DNAH14: variants seen among roughly 807,000 people sequenced by gnomAD.
DNAH14 encodes the protein dynein axonemal heavy chain 14.
Under a neutral mutation model 520.9 loss-of-function variants are expected in DNAH14, and 478 were observed. The observed-to-expected ratio is 0.92, with a 90% CI of 0.85 to 0.99. The LOEUF (loss-of-function observed/expected upper bound fraction) is 0.99. Among genes scored for constraint, DNAH14 ranks in the 50% least tolerant of loss-of-function variants. DNAH14 has a pLI of 0.00. For missense variants in DNAH14, 4,831 were observed against 5,234.5 expected, an observed-to-expected ratio of 0.92 and a Z score of 2.38; for synonymous variants, 1,581 against 1,757.2, an observed-to-expected ratio of 0.90 and a Z score of 2.51.
At chr1:225,330,064 T>C (rs562742457) in intron 64 of DNAH14, among the ~76,000 whole-genome samples, 1 of 152,142 alleles carries the variant, frequency 6.6e-6, no homozygotes, top group Non-Finnish European at 1.5e-5. Context: ...CTCAATATCA[T>C]TGATCATCAG....
chr1:225,187,597 A>C (rs1324575815), intron 37 of DNAH14, among the ~76,000 whole-genome samples: 2 of 151,914 alleles, frequency 1.3e-5, no homozygotes, highest in East Asian at 3.9e-4. Flanking sequence ...CATTATTTTA[A>C]ATTGCCATTA....
rs1303602599 is a variant in DNAH14 at position 225,042,904 on chromosome 1, T to C, written c.1558T>C (p.Cys520Arg). ...TYAPIFEVNL[C>R]LRIPAESDSS... ...TGCACCAATATTTGAAGTAAATCTA[T>C]GCTTGAGAATTCCTGCTGAGAGTGA... The change falls in exon 13 of 86, where the codon TGC (cysteine) becomes CGC (arginine). Residue 520 changes from cysteine to arginine, a missense_variant. By Grantham distance (180) the Cys-to-Arg change is radical. Transcript: ENST00000682510. The C allele has an allele frequency of 1.3e-6, 2 of 1,551,692 alleles. No homozygotes were observed. The highest frequency in any genetic ancestry group is 1.2e-5 in the South Asian group (1 of 84,062).
intron 49 of DNAH14, among the ~76,000 whole-genome samples, chr1:225,267,445 C>A (rs1442695100): frequency 1.3e-5 from 2 of 152,000 alleles, no homozygotes; most frequent in African/African-American, 4.8e-5. Context: ...AGGCGCCCAC[C>A]ACCACGCCCA....
chr1:225,274,197 ATTTTTT>A (rs869247051), intron 52 of DNAH14, among the ~76,000 whole-genome samples: 7 of 92,886 alleles, frequency 7.5e-5, no homozygotes, highest in South Asian at 3.8e-4. Context: ...AGCATCTGTT[ATTTTTT>A]TTTTTTTTTT....
rs1365616325 is a variant in DNAH14, at chr1:225,119,253, G to A, written c.4125G>A (p.Trp1375Ter). ...KIRVRSAVEQ[W>*]LVNVEKSMFD... ...GTGTAAGAAGTGCTGTAGAACAGTG[G>A]CTGGTAAATGTAGAAAAAAGCATGT... Residue 1375 changes from tryptophan (W) to a stop codon, truncating the protein, a stop_gained, in exon 26 of 86, where the codon TGG (tryptophan) becomes TGA (stop). Transcript: ENST00000682510. LOFTEE classifies it high-confidence loss of function. The A allele has an allele frequency of 1.1e-5, 17 of 1,526,506 alleles. No individual in the cohort carries two copies. In the East Asian group the frequency reaches 3.7e-4, roughly 34 times the overall value. 94.6% of individuals were successfully genotyped at this position (1,526,506 alleles called of 1,614,324 possible).
chr1:225,340,810 AC>A, intron 69 of DNAH14, 109 bp downstream of exon 69: 2 of 1,276,470 alleles, frequency 1.6e-6, no homozygotes, highest in South Asian at 1.6e-5. Flanking sequence ...CTCCATTTCC[AC>A]CAGGTAACTG....
chr1:225,321,020 C>G (rs2094546589), intron 61 of DNAH14, among the ~76,000 whole-genome samples: 3 of 152,178 alleles, frequency 2.0e-5, no homozygotes, highest in Non-Finnish European at 2.9e-5. Context: ...CTGGAGCTCT[C>G]ACTTCTCCTT....
intron 54 of DNAH14, among the ~76,000 whole-genome samples, chr1:225,279,149 G>T (rs1022215092): frequency 2.1e-4 from 32 of 152,030 alleles, no homozygotes; most frequent in Admixed American, 2.0e-3. Flanking sequence ...GGGATTACAG[G>T]TGCCTGCCAC....
chr1:225,319,080 C>T (rs1282893406), intron 61 of DNAH14, among the ~76,000 whole-genome samples: 1 of 152,168 alleles, frequency 6.6e-6, no homozygotes, highest in African/African-American at 2.4e-5. Flanking sequence ...TTGTAAACGG[C>T]TGCTTGTACC....
At chr1:225,144,729 C>A in intron 29 of DNAH14, 101 bp downstream of exon 29, 2 of 905,180 alleles carry the variant, frequency 2.2e-6, no homozygotes, top group Non-Finnish European at 1.6e-6. Flanking sequence ...TTAAGATGTT[C>A]ATTGCATTAA....
At position 225,322,523 on chromosome 1, in the gene DNAH14, A is replaced by G. The variant is rs558350035; in HGVS notation, c.9336-141A>G. The G allele has an allele frequency of 1.2e-5, 9 of 751,172 alleles. No homozygotes were observed. In the African/African-American group the frequency reaches 1.6e-4, roughly 13 times the overall value. The allele number at this position is 751,172 out of a possible 1,614,324, so 46.5% of individuals were successfully genotyped here. A position where few individuals can be genotyped will look rare whatever the true frequency, so the allele number is the denominator to read the frequency against. Reference sequence around the variant, plus strand: ...CCAATTTTTAAAAGATACCTAAGTAATTAAATAGCTATATGTTGACAAATA... The same window carrying G: ...CCAATTTTTAAAAGATACCTAAGTAGTTAAATAGCTATATGTTGACAAATA... On this transcript the variant is annotated intron_variant, in intron 61 of 85. Coordinates refer to ENST00000682510, the MANE Select transcript of DNAH14 (RefSeq NM_001367479.1).
At chr1:225,072,037 C>T (rs2071606934) in intron 17 of DNAH14, among the ~76,000 whole-genome samples, 1 of 152,112 alleles carries the variant, frequency 6.6e-6, no homozygotes, top group Admixed American at 6.6e-5. Flanking sequence ...ATGATCTTCT[C>T]GTGGATCTTA....
chr1:224,977,373 A>T (rs888402706), intron 8 of DNAH14, among the ~76,000 whole-genome samples: 13 of 151,784 alleles, frequency 8.6e-5, no homozygotes, highest in African/African-American at 3.1e-4. Context: ...GCTTTAGGAG[A>T]TATACCTAAT....
chr1:225,251,119 A>T (rs2092531214), intron 43 of DNAH14, among the ~76,000 whole-genome samples: 1 of 152,176 alleles, frequency 6.6e-6, no homozygotes, highest in African/African-American at 2.4e-5. Flanking sequence ...AATTTGACAG[A>T]CTAAGATTAT....
intron 36 of DNAH14, among the ~76,000 whole-genome samples, chr1:225,169,579 A>G (rs985694504): frequency 6.6e-6 from 1 of 152,338 alleles, no homozygotes; most frequent in African/African-American, 2.4e-5. Flanking sequence ...AGAAAAAAGA[A>G]TAAAAAGAAA....
chr1:225,052,806 A>C (rs76350714), intron 17 of DNAH14, among the ~76,000 whole-genome samples: 2,792 of 152,334 alleles, frequency 0.018, 42 homozygotes, highest in Non-Finnish European at 0.027. Flanking sequence ...GACAGAAAGC[A>C]AAAGGTAACA....
Position 225,377,386 on chromosome 1 carries a change from A to G in DNAH14, c.12666A>G (p.Glu4222=). 1 of 1,551,334 alleles carries G rather than the reference A, an allele frequency of 6.4e-7. No homozygotes were observed. Among genetic ancestry groups the G allele is most frequent in the Non-Finnish European group, 8.7e-7 (1 of 1,146,836 alleles). ...AGACCCAGGGCGAAAAGTTTATTGAAAATCTGATTGCCATGCAACCAAAAA... is the reference window on the plus strand; with the variant it reads ...AGACCCAGGGCGAAAAGTTTATTGAGAATCTGATTGCCATGCAACCAAAAA... The part of the protein sequence containing the change: ...CWETQGEKFI[E]NLIAMQPKTT... Residue 4222 remains glutamate, a synonymous_variant, in exon 79 of 86, where the codon GAA becomes GAG. Transcript: ENST00000682510.
rs1193834939 is a variant in DNAH14 at position 225,274,194 on chromosome 1, G to GTTTTTT, written c.8010+1071_8010+1072insTTTTTT. 7.7e-3 allele frequency among the ~76,000 whole-genome samples: 927 copies of GTTTTTT among 120,112 alleles called. 106 individuals carry two copies. Among genetic ancestry groups the GTTTTTT allele is most frequent in the East Asian group, 0.047 (168 of 3,608 alleles). 78.8% of individuals were successfully genotyped at this position (120,112 alleles called of 152,430 possible). On this transcript the variant is annotated intron_variant, in intron 52 of 85. Coordinates refer to ENST00000682510, the MANE Select transcript of DNAH14 (RefSeq NM_001367479.1). ...TTTCTCTGCATCCTCACCAGCATCT[G>GTTTTTT]TTATTTTTTTTTTTTTTTTTTTTTT...
chr1:224,983,858 G>A (rs541559460), intron 8 of DNAH14, among the ~76,000 whole-genome samples: 3 of 152,014 alleles, frequency 2.0e-5, no homozygotes, highest in Non-Finnish European at 4.4e-5. Context: ...CCCCTACAAG[G>A]AAGACTACAA....
Sources: allele counts gnomAD v4.1 joint callset (sites outside exome capture counted in the v4.1 genomes callset), GRCh38; gene constraint gnomAD v4.1.1; transcripts MANE v1.5; gene names NCBI Gene and HGNC (gene_info 2026-07-23, HGNC 2026-07-21).